CYP4A11: variants seen among roughly 807,000 people sequenced by gnomAD.
CYP4A11 encodes cytochrome P450 4A11.
In CYP4A11, 52 loss-of-function variants were observed where a neutral mutation model predicts 57.7. The observed-to-expected ratio is 0.90, with a 90% CI of 0.72 to 1.14. The LOEUF (loss-of-function observed/expected upper bound fraction) is 1.14. CYP4A11 is among the 50% of genes most tolerant of loss of function. The probability of loss-of-function intolerance (pLI) is 0.00; values close to 1 mark genes in which losing one functional copy is unlikely to be tolerated. For synonymous variants in CYP4A11, 228 were observed against 247.1 expected, an observed-to-expected ratio of 0.92 and a Z score of 0.72; for missense variants, 641 against 642.1, an observed-to-expected ratio of 1.00 and a Z score of 0.02.
rs139462793 is a variant in CYP4A11, at chr1:46,939,380, G to C, written c.196-1243C>G. Among the ~76,000 whole-genome samples the C allele has an allele frequency of 9.6e-3, 1,466 of 152,250 alleles. 24 individuals carry two copies. Among genetic ancestry groups the C allele is most frequent in the African/African-American group, 0.033 (1,390 of 41,536 alleles). On this transcript the variant is annotated intron_variant, in intron 1 of 11. Coordinates refer to ENST00000310638, the MANE Select transcript of CYP4A11 (RefSeq NM_000778.4). ...TGTGTGGAATTTTCAGTCTAGTTGG[G>C]GGGTAAGAAAGATTAGAGGCTGTGC...
At chr1:46,941,154 G>A in intron 1 of CYP4A11, 85 bp downstream of exon 1, 1 of 1,526,410 alleles carries the variant, frequency 6.6e-7, no homozygotes, top group Non-Finnish European at 8.8e-7. Flanking sequence ...TACAAAACAA[G>A]GCTTTGCTCT....
intron 4 of CYP4A11, among the ~76,000 whole-genome samples, chr1:46,935,904 T>G (rs1681360479): frequency 6.6e-6 from 1 of 152,240 alleles, no homozygotes; most frequent in Admixed American, 6.5e-5. Context: ...ATGGATTAAG[T>G]ATTGAATTTT....
chr1:46,933,983 A>G lies in CYP4A11; in HGVS notation c.1185T>C (p.Thr395=), dbSNP rs564557711. The change falls in exon 9 of 12, where the codon ACT becomes ACC. Residue 395 remains threonine, a synonymous_variant. Transcript: ENST00000310638. ...PVPGIGRELS[T]PVTFPDGRSL... ...AGCGCCCATCAGGGAAGGTGACGGG[A>G]GTGCTGAGCTCTCTGCCAATGCCTG... 33 of 1,614,040 alleles carry G rather than the reference A, an allele frequency of 2.0e-5. No individual in the cohort carries two copies. In the Admixed American group the frequency reaches 3.3e-4, roughly 16 times the overall value.
intron 8 of CYP4A11, 24 bp from the exon 9 acceptor site, chr1:46,934,103 C>A: frequency 6.2e-7 from 1 of 1,611,538 alleles, no homozygotes. Context: ...ATCCTGAACA[C>A]CAGCAAGGCC....
In CYP4A11 at chr1:46,930,388, C is replaced by T. The variant is rs1322249657; in HGVS notation, c.1365-78G>A. On this transcript the variant is annotated intron_variant, in intron 11 of 11. Coordinates refer to ENST00000310638, the MANE Select transcript of CYP4A11 (RefSeq NM_000778.4). ...TCTGAGCAGGTTTTGGCCCCTGACC[C>T]CAGCCCTGAGCTGGACATTCAGTGC... 8 of 1,510,212 alleles carry T rather than the reference C, an allele frequency of 5.3e-6. No individual in the cohort carries two copies. The Admixed American group carries it at 1.6e-4, about 30-fold the overall frequency. The allele number at this position is 1,510,212 out of a possible 1,614,324, so 93.6% of individuals were successfully genotyped here. A position where few individuals can be genotyped will look rare whatever the true frequency, so the allele number is the denominator to read the frequency against.
chr1:46,931,284 G>C (rs969618487), intron 11 of CYP4A11, among the ~76,000 whole-genome samples: 1 of 152,140 alleles, frequency 6.6e-6, no homozygotes, highest in African/African-American at 2.4e-5. Flanking sequence ...AGGCCCCCAG[G>C]TAGCATTCAC....
intron 11 of CYP4A11, among the ~76,000 whole-genome samples, chr1:46,930,821 C>T (rs1365984279): frequency 1.3e-5 from 2 of 152,096 alleles, no homozygotes; most frequent in African/African-American, 4.8e-5. Context: ...GGGAGGCTTC[C>T]TGGAGGAGAA....
rs1298000584 is a variant in CYP4A11 at position 46,932,965 on chromosome 1, C to A, written c.1287+18G>T. 3 of 1,614,156 alleles carry A rather than the reference C, an allele frequency of 1.9e-6. No homozygotes were observed. The highest frequency in any genetic ancestry group is 2.2e-5 in the South Asian group (2 of 91,072). Reference sequence around the variant, plus strand: ...TCTTGAGGGATCACCTCATTTCCTCCTCTCAAGGACCACATACCTCTGGGT... The same window carrying A: ...TCTTGAGGGATCACCTCATTTCCTCATCTCAAGGACCACATACCTCTGGGT... On this transcript the variant is annotated intron_variant, in intron 10 of 11. Transcript: ENST00000310638.
At chr1:46,933,920 G>C in intron 9 of CYP4A11, 26 bp downstream of exon 9, 1 of 1,613,868 alleles carries the variant, frequency 6.2e-7, no homozygotes, top group Non-Finnish European at 8.5e-7. Flanking sequence ...GGAGAGTTTA[G>C]GTGAGAGGGT....
At position 46,935,069 on chromosome 1, in the gene CYP4A11, T is replaced by C; in HGVS notation, c.721A>G (p.Thr241Ala). The part of the protein sequence containing the change: ...RVRNAFHQND[T>A]IYSLTSAGRW... ...CCAGCAGAGGTCAGGCTGTAGATGG[T>C]GTCATTCTGGTGAAAGGCATTCCTC... Residue 241 changes from threonine (T) to alanine (A), a missense_variant, in exon 6 of 12, where the codon ACC (threonine) becomes GCC (alanine). Transcript: ENST00000310638. 1 of 1,614,108 alleles carries C rather than the reference T, an allele frequency of 6.2e-7. No homozygotes were observed. Among genetic ancestry groups the C allele is most frequent in the Non-Finnish European group, 8.5e-7 (1 of 1,180,020 alleles).
At position 46,929,908 on chromosome 1, in the gene CYP4A11, C is replaced by G. The variant is rs999490478; in HGVS notation, c.*207G>C. ...CAGCTTCTCCCAACACTCAGCTTTT[C>G]TCCCAACAAGAGATACAGGTGGGTA... On this transcript the variant is annotated 3_prime_UTR_variant, in exon 12 of 12. Transcript: ENST00000310638. The G allele has an allele frequency of 1.5e-6, 1 of 650,676 alleles. No homozygotes were observed. Among genetic ancestry groups the G allele is most frequent in the African/African-American group, 1.8e-5 (1 of 55,488 alleles). The allele number at this position is 650,676 out of a possible 1,614,324, so 40.3% of individuals were successfully genotyped here.
intron 1 of CYP4A11, among the ~76,000 whole-genome samples, chr1:46,939,304 G>A (rs1681608192): frequency 1.3e-5 from 2 of 152,190 alleles, no homozygotes; most frequent in Non-Finnish European, 2.9e-5. Context: ...CACATACTAT[G>A]TGCCCAGTGT....
At position 46,929,469 on chromosome 1, in the gene CYP4A11, C is replaced by G. The variant is rs1391122223; in HGVS notation, c.*646G>C. Reference sequence around the variant, plus strand: ...ATGGAGGCTGTGAAGGCCCCGAGCTCTGGAAGTGCAGATTATTTATTGGTG... The same window carrying G: ...ATGGAGGCTGTGAAGGCCCCGAGCTGTGGAAGTGCAGATTATTTATTGGTG... On this transcript the variant is annotated 3_prime_UTR_variant, in exon 12 of 12. Coordinates refer to ENST00000310638, the MANE Select transcript of CYP4A11 (RefSeq NM_000778.4). 1 of 147,348 alleles carries G rather than the reference C, an allele frequency of 6.8e-6. No individual in the cohort carries two copies. The highest frequency in any genetic ancestry group is 1.5e-5 in the Non-Finnish European group (1 of 66,650). The allele number at this position is 147,348 out of a possible 1,614,324, so 9.1% of individuals were successfully genotyped here.
At position 46,934,585 on chromosome 1, in the gene CYP4A11, C is replaced by T. The variant is rs1229063284; in HGVS notation, c.791-26G>A. ...CTGTACCAGAACAATGGTTACCAGG[C>T]AGAGCTGAGACCGTCAGCAGCCCCC... On this transcript the variant is annotated intron_variant, in intron 6 of 11. Transcript: ENST00000310638. 3.1e-6 allele frequency: 5 copies of T among 1,594,758 alleles called. No individual in the cohort carries two copies. The Admixed American group carries it at 6.9e-5, about 22-fold the overall frequency.
intron 1 of CYP4A11, 131 bp downstream of exon 1, chr1:46,941,108 G>A (rs1044822400): frequency 2.1e-6 from 3 of 1,433,446 alleles, no homozygotes; most frequent in Middle Eastern, 2.6e-4. Flanking sequence ...AGACCAGAGA[G>A]GTAGGCTGGG....
intron 6 of CYP4A11, among the ~76,000 whole-genome samples, 184 bp downstream of exon 6, chr1:46,934,816 T>A (rs1403269593): frequency 6.6e-6 from 1 of 152,182 alleles, no homozygotes; most frequent in Non-Finnish European, 1.5e-5. Context: ...GGGACATTGA[T>A]AAACCAAGGC....
chr1:46,938,582 T>C (rs1414062069), intron 1 of CYP4A11, among the ~76,000 whole-genome samples: 2 of 152,354 alleles, frequency 1.3e-5, no homozygotes, highest in East Asian at 3.8e-4. Flanking sequence ...CGGTAAATAT[T>C]TGTTAAGATA....
rs1166117257 is a variant in CYP4A11, at chr1:46,938,157, G to C, written c.196-20C>G. ...TTGGAGCTGTCAACAAGGGTAGACA[G>C]ATGAACACTTTCATTTACTTCTAGT... On this transcript the variant is annotated intron_variant, in intron 1 of 11. Coordinates refer to ENST00000310638, the MANE Select transcript of CYP4A11 (RefSeq NM_000778.4). 3 of 1,613,958 alleles carry C rather than the reference G, an allele frequency of 1.9e-6. No homozygotes were observed. The highest frequency in any genetic ancestry group is 2.5e-6 in the Non-Finnish European group (3 of 1,179,942).
chr1:46,940,929 C>T, intron 1 of CYP4A11: 1 of 985,302 alleles, frequency 1.0e-6, no homozygotes, highest in Non-Finnish European at 1.2e-6. Flanking sequence ...TTGATGAAAG[C>T]CAAGGCTTAT....
Sources: gnomAD v4.1 joint callset for allele counts (sites outside exome capture counted in the v4.1 genomes callset) on GRCh38, gnomAD v4.1.1 for gene constraint, MANE v1.5 for transcripts, NCBI Gene and HGNC (gene_info 2026-07-23, HGNC 2026-07-21) for gene names.